Variants in CCNL1 observed in about 807,000 individuals in gnomAD.
CCNL1 encodes cyclin L1.
CCNL1 carries 13 observed loss-of-function variants against 60.6 expected under a neutral mutation model. The ratio of observed to expected loss-of-function variants is 0.21; its 90% CI spans 0.14 to 0.34. The LOEUF (loss-of-function observed/expected upper bound fraction) is 0.34, where lower values mean the gene tolerates loss of function less well. Ranked by LOEUF, CCNL1 falls within the 10% of genes least tolerant of loss-of-function variation. The pLI, the probability that CCNL1 is intolerant of heterozygous loss-of-function variation, is 1.00. For missense variants in CCNL1, 481 were observed against 664.3 expected (o/e 0.72, Z 3.03); for synonymous variants, 270 against 244.3 (o/e 1.10, Z -0.98).
chr3:157,152,630 C>A, intron 4 of CCNL1: 4 of 1,068,606 alleles, frequency 3.7e-6, no homozygotes, highest in Non-Finnish European at 4.5e-6. Context: ...TTGGGAGAAA[C>A]AAATTTCCAA....
At position 157,160,001 on chromosome 3, in the gene CCNL1, T is replaced by A. The variant is rs527428547; in HGVS notation, c.94A>T (p.Thr32Ser). 1 of 1,575,576 alleles carries A rather than the reference T, an allele frequency of 6.3e-7. No homozygotes were observed. Among genetic ancestry groups the A allele is most frequent in the Non-Finnish European group, 8.6e-7 (1 of 1,160,924 alleles). ...ATCCCTCCCGTCGTGGTCGTCGTCG[T>A]GGTCGTCGTCCCGGAGCTGGAGCCG... ...AGGSSSGTTT[T>S]TTTTTGGILI... Residue 32 changes from threonine (T) to serine (S), a missense_variant, in exon 1 of 11, where the codon ACG (threonine) becomes TCG (serine). Thr to Ser is a moderately conservative substitution (Grantham distance 58, BLOSUM62 1). This residue lies in a region of CCNL1 where 65 missense variants were observed against 57.5 expected (regional missense o/e 1.13). Coordinates refer to ENST00000295926, the MANE Select transcript of CCNL1 (RefSeq NM_020307.4).
At chr3:157,150,979 T>TA (rs962349605) in intron 5 of CCNL1, 1 of 985,118 alleles carries the variant, frequency 1.0e-6, no homozygotes, top group African/African-American at 1.7e-5. Context: ...GTAAAAGAGA[T>TA]AAACTATTTC....
chr3:157,147,947 C>A lies in CCNL1; in HGVS notation c.*294G>T. 2 of 1,097,220 alleles carry A rather than the reference C, an allele frequency of 1.8e-6. No homozygotes were observed. Among genetic ancestry groups the A allele is most frequent in the Non-Finnish European group, 2.2e-6 (2 of 902,656 alleles). 68.0% of individuals were successfully genotyped at this position (1,097,220 alleles called of 1,614,324 possible). A position where few individuals can be genotyped will look rare whatever the true frequency, so the allele number is the denominator to read the frequency against. On this transcript the variant is annotated 3_prime_UTR_variant, in exon 11 of 11. Transcript: ENST00000295926. The stretch of plus-strand genomic sequence containing the variant: ...ATTTTATCTGTATAAAAATAAGATA[C>A]ATTTTTACAGAATTCACGCTCCAGT...
chr3:157,143,454 T>C (rs1160471473), downstream of CCNL1, among the ~76,000 whole-genome samples: 2 of 152,192 alleles, frequency 1.3e-5, no homozygotes, highest in African/African-American at 2.4e-5. Flanking sequence ...ATTGGTAGTA[T>C]GTTAAATTCA....
chr3:157,148,574 C>A lies in CCNL1; in HGVS notation c.1248G>T (p.Arg416=). ...TCGAGCTGTATGTTCCAGATCGACT[C>A]CGCCTATTATTATAGCTTAGATAAT... ...HTPRRHYNNR[R]SRSGTYSSRS... Residue 416 remains arginine, a synonymous_variant, in exon 11 of 11, where the codon CGG becomes CGT. Transcript: ENST00000295926. The A allele has an allele frequency of 6.2e-7, 1 of 1,608,604 alleles. No individual in the cohort carries two copies. Among genetic ancestry groups the A allele is most frequent in the Non-Finnish European group, 8.5e-7 (1 of 1,177,784 alleles).
At chr3:157,159,513 G>T (rs373945780) in intron 1 of CCNL1, 34 bp from the exon 2 acceptor site, 3 of 1,588,174 alleles carry the variant, frequency 1.9e-6, no homozygotes, top group Non-Finnish European at 2.6e-6. Context: ...AAGCGCAGGG[G>T]TCAGGCGGGC....
downstream of CCNL1, among the ~76,000 whole-genome samples, chr3:157,146,820 T>A (rs1185656616): frequency 6.6e-6 from 1 of 152,186 alleles, no homozygotes; most frequent in Non-Finnish European, 1.5e-5. Context: ...TAATGAACTA[T>A]CTACCCTCTT....
rs747331518 is a variant in CCNL1 at position 157,148,530 on chromosome 3, C to T, written c.1292G>A (p.Arg431His). 22 of 1,613,952 alleles carry T rather than the reference C, an allele frequency of 1.4e-5. No individual in the cohort carries two copies. Among genetic ancestry groups the T allele is most frequent in the South Asian group, 2.2e-5 (2 of 91,076 alleles). ...TYSSRSRSRSRSHSESPRRHH... is the reference protein window; with the variant it reads ...TYSSRSRSRSHSHSESPRRHH... ...TCTTCGAGGGCTTTCACTGTGACTG[C>T]GGGACCTGCTTCTTGATCTCGAGCT... Residue 431 changes from arginine (R) to histidine (H), a missense_variant, in exon 11 of 11, where the codon CGC becomes CAC. By Grantham distance (29) the Arg-to-His change is conservative. Transcript: ENST00000295926.
chr3:157,149,489 T>C lies in CCNL1; in HGVS notation c.1129A>G (p.Asn377Asp). 6.2e-7 allele frequency: 1 copy of C among 1,613,632 alleles called. No individual in the cohort carries two copies. The highest frequency in any genetic ancestry group is 8.5e-7 in the Non-Finnish European group (1 of 1,179,576). ...DRQQASKSPY[N>D]GVRKDSKRSR... ...TTCCAGCCCAAGTATACTCACCCAT[T>C]GTAAGGGCTTTTGGAAGCCTGTTGT... The change falls in exon 9 of 11, where the codon AAT (asparagine) becomes GAT (aspartate). Residue 377 changes from asparagine to aspartate, a missense_variant. This residue lies in a region of CCNL1 where 197 missense variants were observed against 233.9 expected (regional missense o/e 0.84). Transcript: ENST00000295926.
chr3:157,146,569 G>A, downstream of CCNL1: 1 of 436,672 alleles, frequency 2.3e-6, no homozygotes, highest in South Asian at 1.6e-5. Flanking sequence ...GAGGCCAGGA[G>A]TTCGTGACCG....
At chr3:157,159,564 T>C in intron 1 of CCNL1, 85 bp from the exon 2 acceptor site, 1 of 1,321,138 alleles carries the variant, frequency 7.6e-7, no homozygotes, top group East Asian at 2.5e-5. Context: ...GCCGATCGCT[T>C]CCCTTTCCCC....
chr3:157,149,723 A>G lies in CCNL1; in HGVS notation c.1021+113T>C, dbSNP rs960405621. 35 of 1,442,564 alleles carry G rather than the reference A, an allele frequency of 2.4e-5. No individual in the cohort carries two copies. The African/African-American group carries it at 4.9e-4, about 20-fold the overall frequency. 89.4% of individuals were successfully genotyped at this position (1,442,564 alleles called of 1,614,324 possible). ...TTGGTTGACTGCCATGAGAGAACAT[A>G]GCAGCAGTTTCCTAACATCATTTTT... On this transcript the variant is annotated intron_variant, in intron 8 of 10. Coordinates refer to ENST00000295926, the MANE Select transcript of CCNL1 (RefSeq NM_020307.4).
chr3:157,150,814 T>G (rs1330452277), intron 5 of CCNL1: 1 of 989,018 alleles, frequency 1.0e-6, no homozygotes, highest in East Asian at 1.1e-4. Flanking sequence ...TTTCAAAAGC[T>G]CAAAATACCG....
intron 4 of CCNL1, 102 bp downstream of exon 4, chr3:157,152,934 A>G (rs1299221280): frequency 6.5e-7 from 1 of 1,536,116 alleles, no homozygotes; most frequent in East Asian, 2.4e-5. Flanking sequence ...TGCTTTTTAA[A>G]ACCAAGGTTA....
At chr3:157,145,231 C>G (rs1271643894), downstream of CCNL1, among the ~76,000 whole-genome samples, 1 of 151,774 alleles carries the variant, frequency 6.6e-6, no homozygotes, top group Non-Finnish European at 1.5e-5. Context: ...GTAAGGAGAT[C>G]GAGGCCATCC....
downstream of CCNL1, chr3:157,146,442 C>G: frequency 2.4e-6 from 1 of 417,730 alleles, no homozygotes; most frequent in Non-Finnish European, 4.7e-6. Flanking sequence ...AACTCCCCAT[C>G]TTCACAAACA....
downstream of CCNL1, among the ~76,000 whole-genome samples, chr3:157,146,114 G>C (rs1457904217): frequency 6.6e-6 from 1 of 152,136 alleles, no homozygotes; most frequent in African/African-American, 2.4e-5. Context: ...CAATAGCAAG[G>C]GTGGGAGGTG....
downstream of CCNL1, among the ~76,000 whole-genome samples, chr3:157,145,452 A>AAAAAAAAAAAAAAAAAAAAAAAAAAAAAC (rs1737752795): frequency 1.3e-5 from 2 of 148,760 alleles, no homozygotes; most frequent in Non-Finnish European, 1.5e-5. Flanking sequence ...AAAAAAAAAA[A>AAAAAAAAAAAAAAAAAAAAAAAAAAAAAC]AAAAAAAAAA....
chr3:157,146,454 C>T (rs957510087), downstream of CCNL1: 1 of 430,678 alleles, frequency 2.3e-6, no homozygotes, highest in Admixed American at 2.6e-5. Context: ...TCACAAACAA[C>T]CCTCACCCAC....
Sources: allele counts gnomAD v4.1 joint callset (sites outside exome capture counted in the v4.1 genomes callset), GRCh38; gene constraint gnomAD v4.1.1; regional missense constraint gnomAD v4.1.1; transcripts MANE v1.5; gene names NCBI Gene and HGNC (gene_info 2026-07-23, HGNC 2026-07-21).